The following DTWD2 variants were observed in gnomAD, a reference collection of about 807,000 sequenced individuals.
DTWD2 encodes the protein DTW motif tRNA-uridine aminocarboxypropyltransferase 2.
Under a neutral mutation model 31.8 loss-of-function variants are expected in DTWD2, and 39 were observed. That is an observed-to-expected ratio of 1.22 (90% CI 0.95 to 1.60). The LOEUF (loss-of-function observed/expected upper bound fraction) is 1.60, where lower values mean the gene tolerates loss of function less well. Among genes scored for constraint, DTWD2 ranks in the 40% most tolerant of loss-of-function variants. DTWD2 has a pLI of 0.00. For synonymous variants in DTWD2, 180 were observed against 142.8 expected (o/e 1.26, Z -1.86); for missense variants, 515 against 381.5 (o/e 1.35, Z -2.92).
intron 4 of DTWD2, among the ~76,000 whole-genome samples, chr5:118,913,525 G>A (rs904134990): frequency 1.3e-5 from 2 of 150,798 alleles, no homozygotes; most frequent in South Asian, 4.2e-4. Flanking sequence ...TTAAAAAGAT[G>A]TTAAGTAAGA....
At chr5:118,951,249 A>G (rs551651704) in intron 1 of DTWD2, among the ~76,000 whole-genome samples, 18 of 152,288 alleles carry the variant, frequency 1.2e-4, no homozygotes, top group South Asian at 4.1e-4. Context: ...TATAGGGTGG[A>G]GGAGCAGAAG....
chr5:118,939,403 T>C (rs927415277), intron 2 of DTWD2, 113 bp from the exon 3 acceptor site: 111 of 927,396 alleles, frequency 1.2e-4, no homozygotes, highest in Non-Finnish European at 1.2e-4. Flanking sequence ...CACAAGTCTT[T>C]TACTAAAGAC....
intron 4 of DTWD2, among the ~76,000 whole-genome samples, chr5:118,849,304 T>C (rs530864908): frequency 1.3e-5 from 2 of 152,134 alleles, no homozygotes; most frequent in Middle Eastern, 6.8e-3. Flanking sequence ...ATTAGAGAAA[T>C]ACAAATCAAA....
chr5:118,882,050 T>C (rs1019021602), intron 4 of DTWD2, among the ~76,000 whole-genome samples: 2 of 152,170 alleles, frequency 1.3e-5, no homozygotes, highest in Non-Finnish European at 2.9e-5. Context: ...GACAAGTACC[T>C]TCCGCCTATG....
At chr5:118,879,869 G>C (rs995075864) in intron 4 of DTWD2, among the ~76,000 whole-genome samples, 1 of 152,088 alleles carries the variant, frequency 6.6e-6, no homozygotes, top group Non-Finnish European at 1.5e-5. Flanking sequence ...ATTAATATCT[G>C]GGTGATGAAA....
intron 1 of DTWD2, among the ~76,000 whole-genome samples, chr5:118,965,173 T>C (rs299198): frequency 0.74 from 111,147 of 149,816 alleles, 41,427 homozygotes; most frequent in East Asian, 0.99. Context: ...GCAGCTGCCC[T>C]GTCTGAGAAG....
chr5:118,912,755 T>G lies in DTWD2; in HGVS notation c.597+15782A>C, dbSNP rs147730648. 8.2e-4 allele frequency among the ~76,000 whole-genome samples: 125 copies of G among 152,334 alleles called. No individual in the cohort carries two copies. In the East Asian group the frequency reaches 0.022, roughly 27 times the overall value. The stretch of plus-strand genomic sequence containing the variant: ...ATTTATTATGTTTATTTTTGTCTTT[T>G]TCCCCAGCTTACTATAAACTCCATG... On this transcript the variant is annotated intron_variant, in intron 4 of 5. Coordinates refer to ENST00000510708, the MANE Select transcript of DTWD2 (RefSeq NM_173666.4).
rs567944545 is a variant in DTWD2, at chr5:118,866,244, G to C, written c.598-18026C>G. ...AAGTTCTTGAATTAGTTTCCTCACA[G>C]AGAAATTTGTGAAAGTACCAAAGAC... On this transcript the variant is annotated intron_variant, in intron 4 of 5. Transcript: ENST00000510708. Among the ~76,000 whole-genome samples the C allele has an allele frequency of 1.2e-4, 19 of 152,158 alleles. 1 individual carries two copies. In the South Asian group the frequency reaches 3.7e-3, roughly 30 times the overall value.
rs929578143 is a variant in DTWD2 at position 118,928,532 on chromosome 5, T to C, written c.597+5A>G. The C allele has an allele frequency of 6.7e-7, 1 of 1,485,142 alleles. No homozygotes were observed. The highest frequency in any genetic ancestry group is 1.4e-5 in the African/African-American group (1 of 70,516). 92.0% of individuals were successfully genotyped at this position (1,485,142 alleles called of 1,614,324 possible). On this transcript the variant is annotated splice_donor_5th_base_variant and intron_variant, in intron 4 of 5. Coordinates refer to ENST00000510708, the MANE Select transcript of DTWD2 (RefSeq NM_173666.4). ...ATTTATTCTCTGTTAAAATTACTAG[T>C]TTACCTGTTTGGGATGTCGGAACAA...
At chr5:118,896,185 A>G (rs987518525) in intron 4 of DTWD2, among the ~76,000 whole-genome samples, 2 of 152,210 alleles carry the variant, frequency 1.3e-5, no homozygotes, top group African/African-American at 4.8e-5. Flanking sequence ...AGGCGGCTCC[A>G]AGGGCTCTCA....
intron 4 of DTWD2, among the ~76,000 whole-genome samples, chr5:118,850,668 A>G (rs938590488): frequency 6.6e-6 from 1 of 151,946 alleles, no homozygotes; most frequent in African/African-American, 2.4e-5. Context: ...TGGCAAGTGG[A>G]ATCTAATTAA....
chr5:118,854,158 T>C (rs1003116795), intron 4 of DTWD2, among the ~76,000 whole-genome samples: 10 of 152,212 alleles, frequency 6.6e-5, no homozygotes, highest in African/African-American at 9.6e-5. Context: ...TTTCACATTA[T>C]GAAAAATGGA....
intron 4 of DTWD2, among the ~76,000 whole-genome samples, chr5:118,901,291 T>C (rs1268764837): frequency 6.6e-6 from 1 of 152,158 alleles, no homozygotes; most frequent in East Asian, 1.9e-4. Flanking sequence ...CACATAAGTG[T>C]TTACATTGCA....
At chr5:118,923,730 G>A (rs1753753224) in intron 4 of DTWD2, among the ~76,000 whole-genome samples, 1 of 152,024 alleles carries the variant, frequency 6.6e-6, no homozygotes, top group South Asian at 2.1e-4. Context: ...CTCTTTTCCT[G>A]CTTTATGTCC....
chr5:118,939,397 A>G, intron 2 of DTWD2, 107 bp from the exon 3 acceptor site: 1 of 986,620 alleles, frequency 1.0e-6, no homozygotes, highest in Non-Finnish European at 1.4e-6. Context: ...AACTTTCACA[A>G]GTCTTTTACT....
intron 2 of DTWD2, among the ~76,000 whole-genome samples, chr5:118,944,345 T>C (rs1754280353): frequency 6.6e-6 from 1 of 152,236 alleles, no homozygotes; most frequent in Admixed American, 6.5e-5. Context: ...TTCAATAACA[T>C]AGATTTTGTG....
intron 4 of DTWD2, among the ~76,000 whole-genome samples, chr5:118,918,786 A>G (rs1488435310): frequency 6.6e-6 from 1 of 151,812 alleles, no homozygotes; most frequent in Non-Finnish European, 1.5e-5. Flanking sequence ...CCAGGGGTTC[A>G]AGACCAGCCT....
At chr5:118,881,079 T>A (rs1008648290) in intron 4 of DTWD2, among the ~76,000 whole-genome samples, 1 of 152,206 alleles carries the variant, frequency 6.6e-6, no homozygotes, top group Admixed American at 6.5e-5. Context: ...CTAACATACA[T>A]CTATTTTGGA....
intron 1 of DTWD2, among the ~76,000 whole-genome samples, chr5:118,959,756 C>T (rs1473131079): frequency 6.6e-6 from 1 of 152,038 alleles, no homozygotes; most frequent in East Asian, 1.9e-4. Flanking sequence ...CAAAAACAGA[C>T]ATACAGATTA....
Sources: gnomAD v4.1 joint callset for allele counts (sites outside exome capture counted in the v4.1 genomes callset) on GRCh38, gnomAD v4.1.1 for gene constraint, MANE v1.5 for transcripts, NCBI Gene and HGNC (gene_info 2026-07-23, HGNC 2026-07-21) for gene names.